PRKG1: variants seen among roughly 807,000 people sequenced by gnomAD.
PRKG1 encodes protein kinase cGMP-dependent 1, also known as cGMP-dependent protein kinase 1.
Under a neutral mutation model 88.1 loss-of-function variants are expected in PRKG1, and 35 were observed. The observed-to-expected ratio is 0.40, with a 90% CI of 0.30 to 0.53. The LOEUF (loss-of-function observed/expected upper bound fraction) is 0.53, where lower values mean the gene tolerates loss of function less well. Among genes scored for constraint, PRKG1 ranks in the 20% least tolerant of loss-of-function variants. The probability of loss-of-function intolerance (pLI) is 0.59; values close to 1 mark genes in which losing one functional copy is unlikely to be tolerated. For synonymous variants in PRKG1, 303 were observed against 292.5 expected (o/e 1.04, Z -0.37); for missense variants, 540 against 839.8 (o/e 0.64, Z 4.41).
intron 3 of PRKG1, among the ~76,000 whole-genome samples, chr10:51,741,191 C>T (rs1462341195): frequency 6.6e-6 from 1 of 151,786 alleles, no homozygotes; most frequent in Non-Finnish European, 1.5e-5. Context: ...ATTACTGAGT[C>T]ATTCTGGGTG....
chr10:51,131,444 C>G (rs1356401340), intron 1 of PRKG1, among the ~76,000 whole-genome samples: 1 of 152,070 alleles, frequency 6.6e-6, no homozygotes, highest in Admixed American at 6.6e-5. Flanking sequence ...TTTGTTTAAC[C>G]TATTAAAACG....
At chr10:51,282,471 T>C (rs965486203) in intron 2 of PRKG1, among the ~76,000 whole-genome samples, 2 of 152,186 alleles carry the variant, frequency 1.3e-5, no homozygotes, top group African/African-American at 4.8e-5. Flanking sequence ...GGATAATTAC[T>C]GAGTCCTGAA....
At chr10:52,229,883 C>T (rs1030657401) in intron 9 of PRKG1, among the ~76,000 whole-genome samples, 8 of 152,082 alleles carry the variant, frequency 5.3e-5, no homozygotes, top group Admixed American at 5.2e-4. Context: ...CTTCACCTAC[C>T]CTTCTTTTAA....
intron 7 of PRKG1, among the ~76,000 whole-genome samples, chr10:52,092,285 C>A (rs1168741593): frequency 6.6e-6 from 1 of 152,062 alleles, no homozygotes; most frequent in South Asian, 2.1e-4. Context: ...TAACAGCCTA[C>A]CGACATACAC....
intron 2 of PRKG1, among the ~76,000 whole-genome samples, chr10:51,321,867 A>G (rs1841465794): frequency 6.6e-6 from 1 of 152,140 alleles, no homozygotes; most frequent in Admixed American, 6.5e-5. Flanking sequence ...ATCTCATGTG[A>G]CCCATAGATA....
intron 3 of PRKG1, among the ~76,000 whole-genome samples, chr10:51,679,363 C>T (rs2132365270): frequency 6.6e-6 from 1 of 151,960 alleles, no homozygotes; most frequent in South Asian, 2.1e-4. Context: ...GCTGGAGTTG[C>T]TGAATGTTTC....
intron 5 of PRKG1, among the ~76,000 whole-genome samples, chr10:51,964,548 A>G (rs1843522797): frequency 6.6e-6 from 1 of 152,258 alleles, no homozygotes; most frequent in African/African-American, 2.4e-5. Context: ...TAAGAGATTT[A>G]TGGAGCAGAA....
intron 2 of PRKG1, among the ~76,000 whole-genome samples, chr10:51,163,782 C>A (rs1046166553): frequency 3.9e-5 from 6 of 152,238 alleles, no homozygotes; most frequent in Non-Finnish European, 8.8e-5. Context: ...CCCACGGAGT[C>A]TCGCTGATTG....
At chr10:51,279,065 C>A (rs1260803544) in intron 2 of PRKG1, among the ~76,000 whole-genome samples, 2 of 152,160 alleles carry the variant, frequency 1.3e-5, no homozygotes, top group East Asian at 1.9e-4. Context: ...AATTTTAGAT[C>A]TTTCCTGCTT....
chr10:51,138,613 G>C (rs1460536308), intron 1 of PRKG1, among the ~76,000 whole-genome samples: 1 of 147,796 alleles, frequency 6.8e-6, no homozygotes, highest in Non-Finnish European at 1.5e-5. Flanking sequence ...TTTAGTTCAG[G>C]TTGATTGCTA....
At chr10:51,997,227 C>G (rs944849861) in intron 5 of PRKG1, among the ~76,000 whole-genome samples, 1 of 151,982 alleles carries the variant, frequency 6.6e-6, no homozygotes, top group Non-Finnish European at 1.5e-5. Context: ...AATCCCAGCA[C>G]TTTGGGAGGC....
At chr10:51,306,128 A>C (rs898620639) in intron 2 of PRKG1, among the ~76,000 whole-genome samples, 1 of 152,202 alleles carries the variant, frequency 6.6e-6, no homozygotes, top group Non-Finnish European at 1.5e-5. Context: ...TTAGGGCCTC[A>C]CAGTAACAGA....
chr10:51,232,876 G>A (rs1371141773), intron 2 of PRKG1, among the ~76,000 whole-genome samples: 1 of 152,124 alleles, frequency 6.6e-6, no homozygotes, highest in Non-Finnish European at 1.5e-5. Flanking sequence ...TCCATTTCTA[G>A]CTATGATTAG....
chr10:51,882,988 G>C (rs1301048219), intron 4 of PRKG1, among the ~76,000 whole-genome samples: 1 of 152,206 alleles, frequency 6.6e-6, no homozygotes, highest in African/African-American at 2.4e-5. Context: ...ATCTGTGAGG[G>C]TGTTTCCAGA....
At chr10:52,129,032 T>C (rs1024687816) in intron 7 of PRKG1, among the ~76,000 whole-genome samples, 9 of 152,226 alleles carry the variant, frequency 5.9e-5, no homozygotes, top group Admixed American at 1.3e-4. Flanking sequence ...TTTACCAAAA[T>C]GTCTTGTATT....
intron 3 of PRKG1, among the ~76,000 whole-genome samples, chr10:51,785,820 A>G (rs548024364): frequency 6.6e-6 from 1 of 152,278 alleles, no homozygotes; most frequent in East Asian, 1.9e-4. Context: ...GAAAGCACTC[A>G]TTACTACTTT....
intron 8 of PRKG1, among the ~76,000 whole-genome samples, chr10:52,154,008 G>C (rs1040798951): frequency 6.6e-6 from 1 of 152,144 alleles, no homozygotes; most frequent in Non-Finnish European, 1.5e-5. Context: ...GCCTCCCAAA[G>C]TGCTGGGATT....
intron 8 of PRKG1, among the ~76,000 whole-genome samples, chr10:52,144,652 A>C (rs1262834449): frequency 6.6e-6 from 1 of 152,050 alleles, no homozygotes; most frequent in Non-Finnish European, 1.5e-5. Flanking sequence ...CTCAACCAAA[A>C]ATACAAAAAT....
chr10:51,675,174 G>T (rs1047507630), intron 3 of PRKG1, among the ~76,000 whole-genome samples: 2 of 152,142 alleles, frequency 1.3e-5, no homozygotes, highest in African/African-American at 4.8e-5. Context: ...CTATTAGATA[G>T]CATATGAAAT....
Sources: gnomAD v4.1 joint callset for allele counts (sites outside exome capture counted in the v4.1 genomes callset) on GRCh38, gnomAD v4.1.1 for gene constraint, MANE v1.5 for transcripts, NCBI Gene and HGNC (gene_info 2026-07-23, HGNC 2026-07-21) for gene names.